The following CADPS variants were observed in gnomAD, a reference collection of about 807,000 sequenced individuals.
CADPS encodes the protein calcium-dependent secretion activator 1.
In CADPS, 57 loss-of-function variants were observed where a neutral mutation model predicts 167.3. The ratio of observed to expected loss-of-function variants is 0.34; its 90% CI spans 0.28 to 0.42. The LOEUF (loss-of-function observed/expected upper bound fraction) is 0.42. Among genes scored for constraint, CADPS ranks in the 20% least tolerant of loss-of-function variants. The probability of loss-of-function intolerance (pLI) is 1.00; values close to 1 mark genes in which losing one functional copy is unlikely to be tolerated. For missense variants in CADPS, 1,414 were observed against 1,738.1 expected (o/e 0.81, Z 3.32); for synonymous variants, 676 against 635.3 (o/e 1.06, Z -0.96).
chr3:62,491,501 C>T (rs1561164625), intron 20 of CADPS, 21 bp from the exon 21 acceptor site: 1 of 1,603,784 alleles, frequency 6.2e-7, no homozygotes, highest in Admixed American at 1.7e-5. Context: ...TAAGCAAAAG[C>T]TTGTTAAGAA....
chr3:62,649,890 T>C (rs1421952468), intron 5 of CADPS, among the ~76,000 whole-genome samples: 4 of 152,106 alleles, frequency 2.6e-5, no homozygotes, highest in Admixed American at 1.3e-4. Flanking sequence ...GGTTCATCCA[T>C]GTCATGGCAT....
chr3:62,822,737 G>A (rs2073218491), intron 1 of CADPS, among the ~76,000 whole-genome samples: 1 of 152,184 alleles, frequency 6.6e-6, no homozygotes, highest in African/African-American at 2.4e-5. Context: ...TGCTACTGAA[G>A]AGGCTGAAGT....
intron 24 of CADPS, chr3:62,467,389 G>A (rs1196718861): frequency 2.6e-6 from 2 of 762,992 alleles, no homozygotes; most frequent in Non-Finnish European, 3.6e-6. Context: ...AAGGACACAT[G>A]AGAAAATAAA....
intron 3 of CADPS, among the ~76,000 whole-genome samples, chr3:62,689,475 G>T (rs1309134147): frequency 6.6e-6 from 1 of 152,072 alleles, no homozygotes; most frequent in Non-Finnish European, 1.5e-5. Flanking sequence ...AATACAGGCT[G>T]GGTGTTAGCC....
chr3:62,855,292 C>A (rs1241401601), intron 1 of CADPS, among the ~76,000 whole-genome samples: 3 of 151,746 alleles, frequency 2.0e-5, no homozygotes, highest in Non-Finnish European at 4.4e-5. Context: ...AAATATATAT[C>A]TCAGCATGGA....
intron 28 of CADPS, among the ~76,000 whole-genome samples, chr3:62,429,333 A>G (rs1356791584): frequency 6.6e-6 from 1 of 152,130 alleles, no homozygotes; most frequent in South Asian, 2.1e-4. Flanking sequence ...TCTCTTACAA[A>G]CTTCCAGATG....
chr3:62,583,883 C>T (rs1189445576), intron 8 of CADPS, among the ~76,000 whole-genome samples: 1 of 152,156 alleles, frequency 6.6e-6, no homozygotes, highest in Non-Finnish European at 1.5e-5. Flanking sequence ...AGTTCAATTC[C>T]TGTCCTGGTC....
intron 1 of CADPS, among the ~76,000 whole-genome samples, chr3:62,867,515 C>T (rs1005916142): frequency 6.6e-6 from 1 of 152,036 alleles, no homozygotes; most frequent in South Asian, 2.1e-4. Flanking sequence ...AATGTCTCAA[C>T]AAAAGTGAAA....
In CADPS at chr3:62,533,023, G is replaced by A. The variant is rs142840753; in HGVS notation, c.2139C>T (p.Asp713=). The change falls in exon 13 of 30, where the codon GAC becomes GAT. Residue 713 remains aspartate (D), a synonymous_variant. Coordinates refer to ENST00000383710, the MANE Select transcript of CADPS (RefSeq NM_003716.4). ...GGACTCCATTTCGGGCGCAATACTC[G>A]TCTAGTACAAACACCTGGCCAGGAC... ...WFSPGQVFVL[D]EYCARNGVRG... is the part of the protein sequence containing the mutation. 99 of 1,613,564 alleles carry A rather than the reference G, an allele frequency of 6.1e-5. No homozygotes were observed. Among genetic ancestry groups the A allele is most frequent in the East Asian group, 8.9e-5 (4 of 44,846 alleles).
chr3:62,649,543 C>T (rs1340436028), intron 5 of CADPS, among the ~76,000 whole-genome samples: 406 of 37,782 alleles, frequency 0.011, 5 homozygotes, highest in African/African-American at 0.035. Flanking sequence ...AATATGTGGT[C>T]TTTTTTTTTT....
intron 8 of CADPS, 70 bp downstream of exon 8, chr3:62,585,111 GTTTA>G: frequency 2.2e-6 from 3 of 1,383,726 alleles, no homozygotes; most frequent in Non-Finnish European, 3.1e-6. Flanking sequence ...AAGATCTTGT[GTTTA>G]TTTTTGTTTT....
chr3:62,826,505 T>C (rs2074063318), intron 1 of CADPS, among the ~76,000 whole-genome samples: 1 of 152,164 alleles, frequency 6.6e-6, no homozygotes, highest in Non-Finnish European at 1.5e-5. Flanking sequence ...TATTTCAAAA[T>C]AAAAGGTTTT....
At chr3:62,869,466 G>A (rs1418016897) in intron 1 of CADPS, among the ~76,000 whole-genome samples, 1 of 152,042 alleles carries the variant, frequency 6.6e-6, no homozygotes, top group Non-Finnish European at 1.5e-5. Flanking sequence ...TCTCCAGACT[G>A]CAATACCTGT....
chr3:62,790,100 T>A lies in CADPS; in HGVS notation c.442-24116A>T, dbSNP rs117044625. ...TCTTTAAAATATGTGATTTTTGATA[T>A]TATCATATAATGAAATAATACTTCA... On this transcript the variant is annotated intron_variant, in intron 1 of 29. Transcript: ENST00000383710. 7.2e-5 allele frequency among the ~76,000 whole-genome samples: 11 copies of A among 152,282 alleles called. No homozygotes were observed. The East Asian group carries it at 1.9e-3, about 27-fold the overall frequency.
chr3:62,489,411 C>T (rs1327770811), intron 21 of CADPS, among the ~76,000 whole-genome samples: 21 of 152,222 alleles, frequency 1.4e-4, no homozygotes, highest in African/African-American at 4.3e-4. Flanking sequence ...CCACCCGCCT[C>T]GGCCTCCCAA....
At chr3:62,740,555 C>T (rs2659465) in intron 3 of CADPS, among the ~76,000 whole-genome samples, 84,683 of 152,042 alleles carry the variant, frequency 0.56, 25,525 homozygotes, top group African/African-American at 0.79. Flanking sequence ...TCTCTCTTTA[C>T]TCAGCCTAAA....
chr3:62,733,722 A>G (rs1407700846), intron 3 of CADPS, among the ~76,000 whole-genome samples: 1 of 152,062 alleles, frequency 6.6e-6, no homozygotes, highest in Non-Finnish European at 1.5e-5. Context: ...GTTTTTGAGG[A>G]AAAGGTGGTT....
chr3:62,738,963 G>A (rs2079602818), intron 3 of CADPS, among the ~76,000 whole-genome samples: 1 of 152,162 alleles, frequency 6.6e-6, no homozygotes, highest in South Asian at 2.1e-4. Context: ...ATCATAGTTT[G>A]AGAAATTATG....
At chr3:62,768,597 C>T (rs561246568) in intron 1 of CADPS, among the ~76,000 whole-genome samples, 16 of 152,222 alleles carry the variant, frequency 1.1e-4, no homozygotes, top group East Asian at 1.9e-4. Flanking sequence ...CCAGACACTA[C>T]GGGTTCAGTG....
Sources: allele counts gnomAD v4.1 joint callset (sites outside exome capture counted in the v4.1 genomes callset), GRCh38; gene constraint gnomAD v4.1.1; transcripts MANE v1.5; gene names NCBI Gene and HGNC (gene_info 2026-07-23, HGNC 2026-07-21).